Variants in BBS9 observed in about 807,000 individuals in gnomAD.
The protein encoded by BBS9 is protein PTHB1.
Under a neutral mutation model 117.7 loss-of-function variants are expected in BBS9, and 89 were observed. The ratio of observed to expected loss-of-function variants is 0.76; its 90% CI spans 0.64 to 0.90. BBS9 has a LOEUF of 0.90. Among genes scored for constraint, BBS9 ranks in the 40% least tolerant of loss-of-function variants. The pLI, the probability that BBS9 is intolerant of heterozygous loss-of-function variation, is 0.00. For missense variants in BBS9, 982 were observed against 1,042.2 expected (o/e 0.94, Z 0.80); for synonymous variants, 379 against 370.9 (o/e 1.02, Z -0.25).
intron 5 of BBS9, among the ~76,000 whole-genome samples, chr7:33,240,079 A>C (rs1049688234): frequency 3.9e-5 from 6 of 152,080 alleles, no homozygotes; most frequent in Non-Finnish European, 8.8e-5. Context: ...TTGTCCAGGC[A>C]CCTTTTATGA....
chr7:33,403,147 A>G (rs1350634634), intron 19 of BBS9, among the ~76,000 whole-genome samples: 2 of 151,646 alleles, frequency 1.3e-5, no homozygotes, highest in African/African-American at 4.8e-5. Context: ...GATTTGTTAC[A>G]TGGGTATATT....
intron 19 of BBS9, among the ~76,000 whole-genome samples, chr7:33,471,639 C>T (rs998124778): frequency 2.6e-5 from 4 of 152,302 alleles, no homozygotes; most frequent in Admixed American, 1.3e-4. Flanking sequence ...TCCACCACAC[C>T]ACATTGCCAG....
intron 9 of BBS9, among the ~76,000 whole-genome samples, chr7:33,313,307 C>G (rs1809716848): frequency 6.6e-6 from 1 of 152,162 alleles, no homozygotes; most frequent in African/African-American, 2.4e-5. Context: ...TCTTTAGCCT[C>G]TAGCGTGGTG....
intron 21 of BBS9, among the ~76,000 whole-genome samples, chr7:33,581,055 G>A (rs1341138408): frequency 1.3e-5 from 2 of 151,252 alleles, no homozygotes; most frequent in African/African-American, 4.9e-5. Context: ...TTACCGAAAG[G>A]TGTGTATTTT....
Position 33,150,030 on chromosome 7 carries a change from G to A in BBS9, c.113-2671G>A, listed in dbSNP as rs187416985. Among the ~76,000 whole-genome samples, 26 of 152,268 alleles carry A rather than the reference G, an allele frequency of 1.7e-4. 1 individual carries two copies. Among genetic ancestry groups the A allele is most frequent in the Admixed American group, 1.1e-3 (17 of 15,294 alleles). On this transcript the variant is annotated intron_variant, in intron 2 of 22. Transcript: ENST00000242067. ...GGTTTAAGTCTTCTCCAACCCTTCT[G>A]GACTCCATTATAACAGTATAATTCC...
At chr7:33,327,535 A>G (rs1813103774) in intron 9 of BBS9, among the ~76,000 whole-genome samples, 1 of 152,058 alleles carries the variant, frequency 6.6e-6, no homozygotes, top group South Asian at 2.1e-4. Flanking sequence ...CCTATATCTA[A>G]CAACAACAAA....
chr7:33,330,549 T>C (rs1813813414), intron 9 of BBS9, among the ~76,000 whole-genome samples: 1 of 152,192 alleles, frequency 6.6e-6, no homozygotes, highest in South Asian at 2.1e-4. Flanking sequence ...TTTCTTACCA[T>C]CTCAAAGGGA....
chr7:33,221,196 T>A (rs74733469), intron 5 of BBS9, among the ~76,000 whole-genome samples: 5,717 of 152,254 alleles, frequency 0.038, 192 homozygotes, highest in African/African-American at 0.087. Flanking sequence ...AATTATTGCA[T>A]GTGTTATGTA....
chr7:33,177,844 A>C, intron 5 of BBS9: 1 of 396,996 alleles, frequency 2.5e-6, no homozygotes, highest in Non-Finnish European at 4.6e-6. Flanking sequence ...ATACCCAATC[A>C]AAATAATAAA....
chr7:33,517,727 A>G (rs1848005752), intron 20 of BBS9, among the ~76,000 whole-genome samples: 1 of 152,194 alleles, frequency 6.6e-6, no homozygotes, highest in African/African-American at 2.4e-5. Context: ...CCACATATCT[A>G]GAAAATAACA....
At chr7:33,620,015 A>G (rs1190645258) in intron 21 of BBS9, among the ~76,000 whole-genome samples, 1 of 152,132 alleles carries the variant, frequency 6.6e-6, no homozygotes, top group Non-Finnish European at 1.5e-5. Context: ...GCAGAAATAC[A>G]TAGAGACTAG....
chr7:33,432,464 A>G lies in BBS9; in HGVS notation c.2115+44320A>G, dbSNP rs564034193. 1.9e-4 allele frequency among the ~76,000 whole-genome samples: 29 copies of G among 152,162 alleles called. No individual in the cohort carries two copies. In the South Asian group the frequency reaches 2.9e-3, roughly 15 times the overall value. On this transcript the variant is annotated intron_variant, in intron 19 of 22. Coordinates refer to ENST00000242067, the MANE Select transcript of BBS9 (RefSeq NM_198428.3). ...CTTTATTTTGCAGTGTAATTACATT[A>G]TAATGTGATTATATACATCTTCTGT...
chr7:33,625,165 A>G (rs1865580676), intron 21 of BBS9, among the ~76,000 whole-genome samples: 1 of 152,198 alleles, frequency 6.6e-6, no homozygotes, highest in Admixed American at 6.5e-5. Context: ...CGAAGCACAA[A>G]ATTATAGTAC....
chr7:33,464,332 G>A (rs967570757), intron 19 of BBS9, among the ~76,000 whole-genome samples: 1 of 151,842 alleles, frequency 6.6e-6, no homozygotes, highest in African/African-American at 2.4e-5. Flanking sequence ...GGATTTCCTG[G>A]TTTTCTACTT....
chr7:33,292,866 C>G (rs1045812532), intron 9 of BBS9, among the ~76,000 whole-genome samples: 1 of 151,932 alleles, frequency 6.6e-6, no homozygotes, highest in African/African-American at 2.4e-5. Context: ...ATTAGCCAGG[C>G]GCGGTGGCAG....
chr7:33,208,105 A>G (rs1787305259), intron 5 of BBS9, among the ~76,000 whole-genome samples: 2 of 152,154 alleles, frequency 1.3e-5, no homozygotes, highest in African/African-American at 4.8e-5. Flanking sequence ...CACCATGCCC[A>G]GCCCATAGAA....
chr7:33,260,493 T>C (rs1051885810), intron 6 of BBS9, among the ~76,000 whole-genome samples: 1 of 152,224 alleles, frequency 6.6e-6, no homozygotes, highest in African/African-American at 2.4e-5. Flanking sequence ...CTTCTTGTAC[T>C]GACATTTTCC....
intron 9 of BBS9, among the ~76,000 whole-genome samples, chr7:33,311,779 T>C (rs1809290975): frequency 6.6e-6 from 1 of 151,246 alleles, no homozygotes; most frequent in Non-Finnish European, 1.5e-5. Flanking sequence ...ATCGCACCAC[T>C]GCACTCCAGC....
chr7:33,159,258 C>T (rs1423839507), intron 4 of BBS9, among the ~76,000 whole-genome samples: 3 of 152,152 alleles, frequency 2.0e-5, no homozygotes, highest in African/African-American at 4.8e-5. Flanking sequence ...ATGTCACTAT[C>T]ACCATTGTAA....
Sources: allele counts gnomAD v4.1 joint callset (sites outside exome capture counted in the v4.1 genomes callset), GRCh38; gene constraint gnomAD v4.1.1; transcripts MANE v1.5; gene names NCBI Gene and HGNC (gene_info 2026-07-23, HGNC 2026-07-21).